Variants in CNTN5 observed in about 807,000 individuals in gnomAD.
The protein encoded by CNTN5 is contactin-5.
CNTN5 carries 77 observed loss-of-function variants against 129.1 expected under a neutral mutation model. That is an observed-to-expected ratio of 0.60 (90% CI 0.50 to 0.72). The LOEUF is 0.72. CNTN5 is among the 30% of genes least tolerant of loss of function. CNTN5 has a pLI of 0.00. For synonymous variants in CNTN5, 509 were observed against 465.6 expected, an observed-to-expected ratio of 1.09 and a Z score of -1.20; for missense variants, 1,478 against 1,328.8, an observed-to-expected ratio of 1.11 and a Z score of -1.75.
At chr11:99,284,227 A>G (rs535304292) in intron 1 of CNTN5, among the ~76,000 whole-genome samples, 4 of 152,144 alleles carry the variant, frequency 2.6e-5, no homozygotes, top group Admixed American at 6.6e-5. Flanking sequence ...ATTCTAGAAC[A>G]ATAGTCTCTA....
At chr11:99,210,184 T>G (rs1420797946) in intron 1 of CNTN5, among the ~76,000 whole-genome samples, 4 of 152,174 alleles carry the variant, frequency 2.6e-5, no homozygotes, top group Admixed American at 6.6e-5. Flanking sequence ...ATTCTGGAAA[T>G]AATCTTTCTT....
At chr11:100,283,624 G>T (rs1303295091) in intron 18 of CNTN5, among the ~76,000 whole-genome samples, 1 of 152,112 alleles carries the variant, frequency 6.6e-6, no homozygotes, top group Non-Finnish European at 1.5e-5. Flanking sequence ...TGATATGGAA[G>T]ATTTCCCTCT....
intron 4 of CNTN5, among the ~76,000 whole-genome samples, chr11:99,825,336 TA>T (rs1280897939): frequency 6.6e-6 from 1 of 152,034 alleles, no homozygotes; most frequent in East Asian, 1.9e-4. Context: ...ACTTAGTCTA[TA>T]GTGATTATCA....
At position 99,787,529 on chromosome 11, in the gene CNTN5, A is replaced by G. The variant is rs1246509843; in HGVS notation, c.56-32015A>G. The stretch of plus-strand genomic sequence containing the variant: ...GTAGTTTTTACCCAGAAAAAAAAAA[A>G]TGGCCAAGGAATGATTCAACATCCT... On this transcript the variant is annotated intron_variant, in intron 3 of 24. Transcript: ENST00000524871. 2.6e-5 allele frequency among the ~76,000 whole-genome samples: 4 copies of G among 151,624 alleles called. No homozygotes were observed. The South Asian group carries it at 6.2e-4, about 24-fold the overall frequency.
At chr11:99,596,546 A>C (rs1950132144) in intron 3 of CNTN5, among the ~76,000 whole-genome samples, 1 of 152,208 alleles carries the variant, frequency 6.6e-6, no homozygotes, top group African/African-American at 2.4e-5. Flanking sequence ...CTTCATAAAG[A>C]AGTCTGAAGC....
intron 1 of CNTN5, among the ~76,000 whole-genome samples, chr11:99,279,095 C>G (rs1264707365): frequency 6.6e-6 from 1 of 151,798 alleles, no homozygotes; most frequent in Non-Finnish European, 1.5e-5. Context: ...CCTTGCCACT[C>G]TAACAGTCAA....
intron 1 of CNTN5, among the ~76,000 whole-genome samples, chr11:99,061,412 C>T (rs927448841): frequency 6.6e-6 from 1 of 152,016 alleles, no homozygotes; most frequent in Admixed American, 6.6e-5. Flanking sequence ...TTCCGCCCAA[C>T]TGAGTTTGCA....
chr11:99,772,083 TTA>T (rs2135340847), intron 3 of CNTN5, among the ~76,000 whole-genome samples: 1 of 151,104 alleles, frequency 6.6e-6, no homozygotes, highest in African/African-American at 2.4e-5. Flanking sequence ...TTTTTTTTTT[TTA>T]TCAACAATGG....
chr11:99,923,972 A>T (rs1486002020), intron 7 of CNTN5, among the ~76,000 whole-genome samples: 1 of 152,256 alleles, frequency 6.6e-6, no homozygotes, highest in East Asian at 1.9e-4. Context: ...TTTGTGTTTT[A>T]GTAGAGACAG....
chr11:99,660,957 C>T (rs564697873), intron 3 of CNTN5, among the ~76,000 whole-genome samples: 40 of 152,028 alleles, frequency 2.6e-4, no homozygotes, highest in African/African-American at 9.2e-4. Flanking sequence ...ACTTTACTAG[C>T]ATCTGGGAAA....
At chr11:100,302,871 C>A (rs574519422) in intron 20 of CNTN5, among the ~76,000 whole-genome samples, 25 of 151,648 alleles carry the variant, frequency 1.6e-4, no homozygotes, top group African/African-American at 5.8e-4. Context: ...TTAGAGAAAA[C>A]CTTGAATTGA....
intron 21 of CNTN5, among the ~76,000 whole-genome samples, chr11:100,311,841 C>T (rs1245440119): frequency 6.6e-6 from 1 of 151,884 alleles, no homozygotes; most frequent in Non-Finnish European, 1.5e-5. Context: ...AGGTTAAGAT[C>T]AAGATTACTC....
chr11:99,171,030 T>G (rs1861124234), intron 1 of CNTN5, among the ~76,000 whole-genome samples: 1 of 152,208 alleles, frequency 6.6e-6, no homozygotes, highest in Non-Finnish European at 1.5e-5. Context: ...ATTATCATCA[T>G]TAACATGACT....
chr11:99,765,939 T>C (rs182690597), intron 3 of CNTN5, among the ~76,000 whole-genome samples: 15 of 152,078 alleles, frequency 9.9e-5, no homozygotes, highest in Admixed American at 7.2e-4. Flanking sequence ...TTAAAGCACA[T>C]TTATATCTGT....
intron 9 of CNTN5, among the ~76,000 whole-genome samples, chr11:100,043,632 C>T (rs141962327): frequency 6.6e-6 from 1 of 152,252 alleles, no homozygotes; most frequent in East Asian, 1.9e-4. Context: ...CTATCTCATA[C>T]TGTTCTGTGT....
In CNTN5 at chr11:99,819,565, GTC is replaced by G. The variant is rs746681632; in HGVS notation, c.82_83del (p.Ser28HisfsTer10). 11 of 1,612,246 alleles carry G rather than the reference GTC, an allele frequency of 6.8e-6. No homozygotes were observed. In the South Asian group the frequency reaches 1.1e-4, roughly 16 times the overall value. On this transcript the variant is annotated frameshift_variant, in exon 4 of 25. Transcript: ENST00000524871. LOFTEE classifies it high-confidence loss of function. ...ACAGAGTATTCAAAATCTCTTCCTGGTCTCTCCACTTCATATGCTGCTTTGTT... is the reference window on the plus strand; with the variant it reads ...ACAGAGTATTCAAAATCTCTTCCTGGTCTCCACTTCATATGCTGCTTTGTT...
chr11:99,080,499 C>T (rs1459158378), intron 1 of CNTN5, among the ~76,000 whole-genome samples: 3 of 152,164 alleles, frequency 2.0e-5, no homozygotes, highest in Non-Finnish European at 4.4e-5. Flanking sequence ...CAGTCCACTG[C>T]GTCAGCTACA....
chr11:99,574,328 T>C (rs188834583), intron 3 of CNTN5, among the ~76,000 whole-genome samples: 42 of 152,342 alleles, frequency 2.8e-4, no homozygotes, highest in African/African-American at 9.6e-4. Flanking sequence ...TTGGGTTGAT[T>C]CCATTTCCTT....
At chr11:99,210,100 T>C (rs547873203) in intron 1 of CNTN5, among the ~76,000 whole-genome samples, 6 of 152,324 alleles carry the variant, frequency 3.9e-5, no homozygotes, top group Admixed American at 3.3e-4. Flanking sequence ...AGAAAGGTTT[T>C]AGATTTGCCA....
Sources: gnomAD v4.1 joint callset for allele counts (sites outside exome capture counted in the v4.1 genomes callset) on GRCh38, gnomAD v4.1.1 for gene constraint, MANE v1.5 for transcripts, NCBI Gene and HGNC (gene_info 2026-07-23, HGNC 2026-07-21) for gene names.